The following SLC26A7 variants were observed in gnomAD, a reference collection of about 807,000 sequenced individuals.
SLC26A7 encodes solute carrier family 26 member 7, also known as anion exchange transporter.
In SLC26A7, 59 loss-of-function variants were observed where a neutral mutation model predicts 82.5. The ratio of observed to expected loss-of-function variants is 0.72; its 90% CI spans 0.58 to 0.89. The LOEUF is 0.89. Ranked by LOEUF, SLC26A7 falls within the 40% of genes least tolerant of loss-of-function variation. The pLI is 0.00. For synonymous variants in SLC26A7, 271 were observed against 274.3 expected (o/e 0.99, Z 0.12); for missense variants, 820 against 793.0 (o/e 1.03, Z -0.41).
chr8:91,315,873 G>A (rs1200636962), intron 4 of SLC26A7, among the ~76,000 whole-genome samples: 1 of 152,150 alleles, frequency 6.6e-6, no homozygotes, highest in African/African-American at 2.4e-5. Flanking sequence ...CGAATACCTT[G>A]CATGTATTAT....
intron 4 of SLC26A7, among the ~76,000 whole-genome samples, chr8:91,307,420 T>C (rs1314352763): frequency 1.4e-5 from 2 of 142,756 alleles, no homozygotes; most frequent in Admixed American, 7.1e-5. Context: ...CAATGATAGA[T>C]TGGATTAAGA....
At chr8:91,369,359 A>AT (rs1453036205) in intron 14 of SLC26A7, among the ~76,000 whole-genome samples, 1 of 98,978 alleles carries the variant, frequency 1.0e-5, no homozygotes, top group Non-Finnish European at 2.0e-5. Context: ...TAACTGTAGG[A>AT]TACAGAGCTG....
At chr8:91,321,805 T>C (rs1201805734) in intron 5 of SLC26A7, among the ~76,000 whole-genome samples, 3 of 152,216 alleles carry the variant, frequency 2.0e-5, no homozygotes, top group Admixed American at 1.3e-4. Flanking sequence ...CAGGTATATA[T>C]TGGGAAAAAA....
At chr8:91,270,919 C>T (rs1227165706) in intron 2 of SLC26A7, among the ~76,000 whole-genome samples, 2 of 152,146 alleles carry the variant, frequency 1.3e-5, no homozygotes, top group African/African-American at 4.8e-5. Flanking sequence ...GGTAAGGTTT[C>T]TGCTAACCAG....
chr8:91,263,175 G>C (rs2130719916), intron 2 of SLC26A7, among the ~76,000 whole-genome samples: 1 of 152,122 alleles, frequency 6.6e-6, no homozygotes, highest in Non-Finnish European at 1.5e-5. Flanking sequence ...ATGCATCTCA[G>C]CTAAAAGTTA....
rs1808568105 is a variant in SLC26A7, at chr8:91,396,161, G to GT, written c.*1065dup. The stretch of plus-strand genomic sequence containing the variant: ...TAAACGCCATAGGCTAGGCTGAACT[G>GT]TATGTTACTGTTTTCATGCTTATAC... On this transcript the variant is annotated 3_prime_UTR_variant, in exon 19 of 19. Transcript: ENST00000276609. 6.6e-6 allele frequency: 1 copy of GT among 151,936 alleles called. No homozygotes were observed. Among genetic ancestry groups the GT allele is most frequent in the Non-Finnish European group, 1.5e-5 (1 of 67,880 alleles). The allele number at this position is 151,936 out of a possible 1,614,324, so 9.4% of individuals were successfully genotyped here.
At chr8:91,251,711 A>G (rs1353972188) in intron 2 of SLC26A7, among the ~76,000 whole-genome samples, 2 of 151,996 alleles carry the variant, frequency 1.3e-5, no homozygotes, top group Non-Finnish European at 2.9e-5. Flanking sequence ...GAGGTTTAGA[A>G]GAGTTAGAAA....
chr8:91,213,113 T>A (rs1809964544), intron 1 of SLC26A7, among the ~76,000 whole-genome samples: 1 of 152,172 alleles, frequency 6.6e-6, no homozygotes, highest in Non-Finnish European at 1.5e-5. Flanking sequence ...TGTTGAAAAT[T>A]CCTTGTGAAA....
chr8:91,368,225 A>G (rs1005279265), intron 14 of SLC26A7, among the ~76,000 whole-genome samples: 1 of 152,152 alleles, frequency 6.6e-6, no homozygotes. Context: ...GATCACCTGG[A>G]TAAGGGAGTG....
At chr8:91,243,611 A>G (rs1191409769) in intron 2 of SLC26A7, among the ~76,000 whole-genome samples, 3 of 152,192 alleles carry the variant, frequency 2.0e-5, no homozygotes, top group African/African-American at 7.2e-5. Flanking sequence ...TATTCAACTA[A>G]GTAATGATCA....
At chr8:91,393,039 C>T (rs1003622754) in intron 16 of SLC26A7, among the ~76,000 whole-genome samples, 4 of 152,108 alleles carry the variant, frequency 2.6e-5, no homozygotes, top group Admixed American at 6.6e-5. Context: ...TTTGAATGTA[C>T]AATGCACACT....
intron 13 of SLC26A7, among the ~76,000 whole-genome samples, chr8:91,364,389 C>T (rs1814133020): frequency 6.6e-6 from 1 of 152,134 alleles, no homozygotes; most frequent in African/African-American, 2.4e-5. Flanking sequence ...TAGAAAGTAG[C>T]ATCAGGAACC....
intron 4 of SLC26A7, among the ~76,000 whole-genome samples, chr8:91,310,357 G>T (rs1010828731): frequency 2.0e-5 from 3 of 152,074 alleles, no homozygotes; most frequent in Non-Finnish European, 4.4e-5. Flanking sequence ...TGGTAAAAGT[G>T]GTATCCTGCC....
Position 91,295,637 on chromosome 8 carries a change from A to C in SLC26A7, c.411A>C (p.Leu137Phe). The change falls in exon 4 of 19, where the codon TTA (leucine) becomes TTC (phenylalanine). Residue 137 changes from leucine (L) to phenylalanine (F), a missense_variant. Coordinates refer to ENST00000276609, the MANE Select transcript of SLC26A7 (RefSeq NM_052832.4). Reference protein sequence around the residue: ...TTQSNTSVLGLSDFEMQRIHV... With the variant: ...TTQSNTSVLGFSDFEMQRIHV... ...AGAGTAACACAAGCGTGCTGGGCTT[A>C]TCCGACTTTGAAATGCAAAGGATCC... 6.2e-7 allele frequency: 1 copy of C among 1,614,126 alleles called. No homozygotes were observed. The highest frequency in any genetic ancestry group is 1.1e-5 in the South Asian group (1 of 91,072).
chr8:91,220,641 G>A (rs1810145781), intron 2 of SLC26A7, among the ~76,000 whole-genome samples: 1 of 152,094 alleles, frequency 6.6e-6, no homozygotes, highest in African/African-American at 2.4e-5. Flanking sequence ...TGAGGATGAT[G>A]GCTTCTAGCT....
chr8:91,363,581 T>C (rs767592802), intron 13 of SLC26A7, 43 bp downstream of exon 13: 2 of 1,151,692 alleles, frequency 1.7e-6, no homozygotes, highest in African/African-American at 3.2e-5. Context: ...TGTTAATCAT[T>C]TTGTGGGTGA....
At chr8:91,212,210 G>A (rs935622562) in intron 1 of SLC26A7, among the ~76,000 whole-genome samples, 7 of 152,124 alleles carry the variant, frequency 4.6e-5, no homozygotes, top group African/African-American at 1.7e-4. Context: ...AACTTTGTCT[G>A]TATTTGAACA....
intron 2 of SLC26A7, among the ~76,000 whole-genome samples, chr8:91,232,891 C>T (rs376182643): frequency 1.1e-4 from 16 of 152,262 alleles, no homozygotes; most frequent in African/African-American, 3.8e-4. Flanking sequence ...CTTGGGGCTC[C>T]TGTGATTCCA....
chr8:91,224,338 G>A (rs192771123), intron 2 of SLC26A7, among the ~76,000 whole-genome samples: 1 of 152,240 alleles, frequency 6.6e-6, no homozygotes, highest in East Asian at 1.9e-4. Context: ...CTTTGAGGCT[G>A]CTGATCCTTG....
Sources: gnomAD v4.1 joint callset for allele counts (sites outside exome capture counted in the v4.1 genomes callset) on GRCh38, gnomAD v4.1.1 for gene constraint, MANE v1.5 for transcripts, NCBI Gene and HGNC (gene_info 2026-07-23, HGNC 2026-07-21) for gene names.